NCKAP5L: variants seen among roughly 807,000 people sequenced by gnomAD.
NCKAP5L encodes the protein NCK associated protein 5 like, also known as nck-associated protein 5-like.
NCKAP5L carries 54 observed loss-of-function variants against 103.2 expected under a neutral mutation model. The ratio of observed to expected loss-of-function variants is 0.52; its 90% CI spans 0.42 to 0.66. The LOEUF is 0.66. NCKAP5L is among the 30% of genes least tolerant of loss of function. The pLI is 0.00. For missense variants in NCKAP5L, 1,733 were observed against 1,750.6 expected, an observed-to-expected ratio of 0.99 and a Z score of 0.18; for synonymous variants, 762 against 748.6, an observed-to-expected ratio of 1.02 and a Z score of -0.29.
chr12:49,795,969 G>GA lies in NCKAP5L; in HGVS notation c.1890dup (p.Pro631SerfsTer179). The GA allele has an allele frequency of 1.3e-6, 2 of 1,535,456 alleles. No homozygotes were observed. Among genetic ancestry groups the GA allele is most frequent in the Non-Finnish European group, 1.7e-6 (2 of 1,147,888 alleles). ...CCTGGGGTCCTGCGGCCGGGATGGG[G>GA]AGACTCCGAGCCTGCCTTGTCCAAA... On this transcript the variant is annotated frameshift_variant, in exon 8 of 13. Coordinates refer to ENST00000335999, the MANE Select transcript of NCKAP5L (RefSeq NM_001037806.4). LOFTEE classifies it high-confidence loss of function.
In NCKAP5L at chr12:49,792,287, G is replaced by A; in HGVS notation, c.3792+159C>T. ...GAGAGAAGTGCAAGGAGGGCAGTGG[G>A]GAGGGCCGCTCACAGGGCATCCCAG... On this transcript the variant is annotated intron_variant, in intron 12 of 12. Transcript: ENST00000335999. The surrounding 1 kb of genome is among the most constrained non-coding windows in gnomAD (Gnocchi z 4.5). 7.0e-7 allele frequency: 1 copy of A among 1,423,082 alleles called. No homozygotes were observed. Among genetic ancestry groups the A allele is most frequent in the Non-Finnish European group, 9.6e-7 (1 of 1,041,564 alleles). 88.2% of individuals were successfully genotyped at this position (1,423,082 alleles called of 1,614,324 possible).
Position 49,798,415 on chromosome 12 carries a change from A to T in NCKAP5L, c.400T>A (p.Ser134Thr). Residue 134 changes from serine (S) to threonine (T), a missense_variant, in exon 7 of 13, where the codon TCC becomes ACC. Transcript: ENST00000335999. ...QPPSEPPASP[S>T]LSSTEGPAAP... ...GCCGGTCCCTCAGTGGAGCTCAGGG[A>T]GGGGGAGGCTGGTGGCTCTGATGGT... 6.3e-7 allele frequency: 1 copy of T among 1,581,340 alleles called. No homozygotes were observed. The highest frequency in any genetic ancestry group is 8.6e-7 in the Non-Finnish European group (1 of 1,163,414).
rs1212575161 is a variant in NCKAP5L at position 49,792,669 on chromosome 12, G to T, written c.3649+9C>A. ...CAGGGGCATCCCACCCTCCCACCTG[G>T]ACACTCACCATCAGGACAGGTCTCA... On this transcript the variant is annotated intron_variant, in intron 11 of 12. Transcript: ENST00000335999. This position sits in a 1 kb window ranked among gnomAD's most constrained non-coding sequence, Gnocchi z 4.5. 1 of 1,612,858 alleles carries T rather than the reference G, an allele frequency of 6.2e-7. No individual in the cohort carries two copies. Among genetic ancestry groups the T allele is most frequent in the Admixed American group, 1.7e-5 (1 of 59,868 alleles).
Position 49,797,419 on chromosome 12 carries a change from G to C in NCKAP5L, c.466-25C>G, listed in dbSNP as rs1565588785. The stretch of plus-strand genomic sequence containing the variant: ...CCTTAGGGGAGAGATGATGGCATGA[G>C]GAGGAGACCACACACAGCTGGGATC... On this transcript the variant is annotated intron_variant, in intron 7 of 12. Transcript: ENST00000335999. The surrounding 1 kb of genome is among the most constrained non-coding windows in gnomAD (Gnocchi z 4.5). 1 of 1,528,180 alleles carries C rather than the reference G, an allele frequency of 6.5e-7. No individual in the cohort carries two copies. Among genetic ancestry groups the C allele is most frequent in the South Asian group, 1.2e-5 (1 of 84,216 alleles). 94.7% of individuals were successfully genotyped at this position (1,528,180 alleles called of 1,614,324 possible). A position where few individuals can be genotyped will look rare whatever the true frequency, so the allele number is the denominator to read the frequency against.
chr12:49,801,857 C>T lies in NCKAP5L; in HGVS notation c.342G>A (p.Ser114=), dbSNP rs768457814. ...GAGCGCAGATGCCTACCTGAGGGAG[C>T]GAGCCTGTCGTGAGCTGGAGTTTCT... ...FQQKLQLTTG[S]LPQIPLTPLQ... Residue 114 remains serine (S), a synonymous_variant, in exon 6 of 13, where the codon TCG becomes TCA. Transcript: ENST00000335999. 11 of 1,613,882 alleles carry T rather than the reference C, an allele frequency of 6.8e-6. No homozygotes were observed. Among genetic ancestry groups the T allele is most frequent in the Admixed American group, 3.3e-5 (2 of 60,008 alleles).
chr12:49,792,105 C>T lies in NCKAP5L; in HGVS notation c.3793-54G>A. 7.0e-7 allele frequency: 1 copy of T among 1,435,192 alleles called. No individual in the cohort carries two copies. The highest frequency in any genetic ancestry group is 9.2e-7 in the Non-Finnish European group (1 of 1,085,104). 88.9% of individuals were successfully genotyped at this position (1,435,192 alleles called of 1,614,324 possible). ...AGCTCCTCTCCACCTTTCGGCCCAGCCTCAGAGGCACTGAGCTCTGAGGGG... is the reference window on the plus strand; with the variant it reads ...AGCTCCTCTCCACCTTTCGGCCCAGTCTCAGAGGCACTGAGCTCTGAGGGG... On this transcript the variant is annotated intron_variant, in intron 12 of 12. Transcript: ENST00000335999. This position sits in a 1 kb window ranked among gnomAD's most constrained non-coding sequence, Gnocchi z 4.5.
rs770683422 is a variant in NCKAP5L, at chr12:49,797,409, G to T, written c.466-15C>A. 1 of 1,568,958 alleles carries T rather than the reference G, an allele frequency of 6.4e-7. No homozygotes were observed. The highest frequency in any genetic ancestry group is 1.1e-5 in the South Asian group (1 of 87,008). ...TCCCAACATACCTTAGGGGAGAGAT[G>T]ATGGCATGAGGAGGAGACCACACAC... On this transcript the variant is annotated splice_polypyrimidine_tract_variant and intron_variant, in intron 7 of 12. Transcript: ENST00000335999. This position sits in a 1 kb window ranked among gnomAD's most constrained non-coding sequence, Gnocchi z 4.5.
At chr12:49,818,717 T>G (rs1439789485) in intron 1 of NCKAP5L, among the ~76,000 whole-genome samples, 1 of 152,084 alleles carries the variant, frequency 6.6e-6, no homozygotes, top group Non-Finnish European at 1.5e-5. Flanking sequence ...AAATGCTCGA[T>G]ATCACGAATC....
At chr12:49,818,652 G>A (rs144491681) in intron 1 of NCKAP5L, among the ~76,000 whole-genome samples, 1,565 of 152,172 alleles carry the variant, frequency 0.01, 11 homozygotes, top group South Asian at 0.027. Flanking sequence ...ATGAGCCACC[G>A]TGCAGAGCCT....
At chr12:49,802,138 G>T in intron 5 of NCKAP5L, 171 bp from the exon 6 acceptor site, 1 of 682,624 alleles carries the variant, frequency 1.5e-6, no homozygotes, top group Non-Finnish European at 2.4e-6. Context: ...GATGTTGGTA[G>T]CTATAGCATC....
chr12:49,794,609 C>CCCA (rs2136994682), intron 8 of NCKAP5L, among the ~76,000 whole-genome samples, 156 bp downstream of exon 8: 1 of 118,302 alleles, frequency 8.5e-6, no homozygotes, highest in African/African-American at 3.9e-5. Context: ...TCACTGACCC[C>CCCA]CCCACCAGCT....
chr12:49,801,368 C>T (rs1430110005), intron 6 of NCKAP5L, among the ~76,000 whole-genome samples: 1 of 152,140 alleles, frequency 6.6e-6, no homozygotes, highest in East Asian at 1.9e-4. Context: ...GAGTCACTCC[C>T]AATAGCCTCC....
chr12:49,812,368 C>G (rs1205449508), intron 1 of NCKAP5L, among the ~76,000 whole-genome samples: 1 of 150,848 alleles, frequency 6.6e-6, no homozygotes, highest in Non-Finnish European at 1.5e-5. Flanking sequence ...GTAGTCCATT[C>G]TTTTTGCTTG....
rs562830241 is a variant in NCKAP5L, at chr12:49,801,127, A to G, written c.351+721T>C. 2.0e-5 allele frequency among the ~76,000 whole-genome samples: 3 copies of G among 152,330 alleles called. No homozygotes were observed. The East Asian group carries it at 5.8e-4, about 29-fold the overall frequency. On this transcript the variant is annotated intron_variant, in intron 6 of 12. Transcript: ENST00000335999. ...AGGGGCTGGGGGCCAAGAGCTGCCC[A>G]GTTTGCCTCAGACAGACACAAACAC...
intron 1 of NCKAP5L, among the ~76,000 whole-genome samples, chr12:49,809,232 G>A (rs944102378): frequency 3.0e-4 from 46 of 152,256 alleles, no homozygotes; most frequent in African/African-American, 1.1e-3. Context: ...TTACTGTCCT[G>A]GCCTTTCAGT....
At chr12:49,825,877 G>A (rs892535986) in intron 1 of NCKAP5L, among the ~76,000 whole-genome samples, 1 of 152,162 alleles carries the variant, frequency 6.6e-6, no homozygotes, top group Admixed American at 6.5e-5. Flanking sequence ...CTGGGAGACC[G>A]AGGATGAAAA....
intron 1 of NCKAP5L, among the ~76,000 whole-genome samples, chr12:49,819,362 G>C (rs1324304589): frequency 7.2e-5 from 11 of 151,842 alleles, no homozygotes; most frequent in Admixed American, 7.2e-4. Flanking sequence ...CATTAAATCA[G>C]GATGTTGAAG....
chr12:49,799,716 T>C (rs1440679725), intron 6 of NCKAP5L, among the ~76,000 whole-genome samples: 2 of 152,356 alleles, frequency 1.3e-5, no homozygotes, highest in Admixed American at 6.5e-5. Flanking sequence ...ATTCCGGGCC[T>C]GGCTGGCCAG....
At chr12:49,807,813 C>T (rs1199584575) in intron 1 of NCKAP5L, among the ~76,000 whole-genome samples, 1 of 152,124 alleles carries the variant, frequency 6.6e-6, no homozygotes, top group Non-Finnish European at 1.5e-5. Context: ...CCCAGCGTGT[C>T]CCTCAATCCC....
Sources: gnomAD v4.1 joint callset for allele counts (sites outside exome capture counted in the v4.1 genomes callset) on GRCh38, gnomAD v4.1.1 for gene constraint, Gnocchi (gnomAD v3.1) non-coding constraint, MANE v1.5 for transcripts, NCBI Gene and HGNC (gene_info 2026-07-23, HGNC 2026-07-21) for gene names.